The following C2CD5 variants were observed in gnomAD, a reference collection of about 807,000 sequenced individuals.
C2CD5 encodes the protein C2 calcium dependent domain containing 5, also known as C2 domain-containing protein 5.
In C2CD5, 109 loss-of-function variants were observed where a neutral mutation model predicts 130.3. The ratio of observed to expected loss-of-function variants is 0.84; its 90% confidence interval spans 0.72 to 0.98. The LOEUF (loss-of-function observed/expected upper bound fraction) is 0.98. Among genes scored for constraint, C2CD5 ranks in the 50% least tolerant of loss-of-function variants. C2CD5 has a pLI of 0.00. For missense variants in C2CD5, 996 were observed against 1,261.8 expected (o/e 0.79, Z 3.19); for synonymous variants, 454 against 429.2 (o/e 1.06, Z -0.71).
intron 6 of C2CD5, among the ~76,000 whole-genome samples, 154 bp downstream of exon 6, chr12:22,524,318 G>A (rs1195305674): frequency 1.3e-5 from 2 of 152,170 alleles, no homozygotes; most frequent in Non-Finnish European, 2.9e-5. Context: ...AGAGGGCAAT[G>A]CAAGTGTGTT....
At chr12:22,503,083 A>C (rs1395327429) in intron 10 of C2CD5, among the ~76,000 whole-genome samples, 1 of 152,194 alleles carries the variant, frequency 6.6e-6, no homozygotes, top group East Asian at 1.9e-4. Context: ...TATTTACCAA[A>C]GGAGGATGTT....
At chr12:22,529,205 T>C (rs1950996256) in intron 3 of C2CD5, among the ~76,000 whole-genome samples, 1 of 152,214 alleles carries the variant, frequency 6.6e-6, no homozygotes, top group Non-Finnish European at 1.5e-5. Flanking sequence ...TAATGAAATG[T>C]TAAAATAAAA....
chr12:22,518,071 G>T lies in C2CD5; in HGVS notation c.867C>A (p.Asn289Lys). The T allele has an allele frequency of 6.2e-7, 1 of 1,613,824 alleles. No individual in the cohort carries two copies. Among genetic ancestry groups the T allele is most frequent in the Non-Finnish European group, 8.5e-7 (1 of 1,179,688 alleles). The change falls in exon 8 of 27, where the codon AAC becomes AAA. Residue 289 changes from asparagine (N) to lysine (K), a missense_variant. Coordinates refer to ENST00000446597, the MANE Select transcript of C2CD5 (RefSeq NM_001286176.2). ...HSSGPSTPLK[N>K]QTYSFSPSKS... ...TGGAAGGTGAAAAGGAATAAGTTTGGTTTTTCAGAGGGGTTGAGGGTCCTG... is the reference window on the plus strand; with the variant it reads ...TGGAAGGTGAAAAGGAATAAGTTTGTTTTTTCAGAGGGGTTGAGGGTCCTG...
chr12:22,481,469 T>C (rs1025342033), intron 14 of C2CD5, among the ~76,000 whole-genome samples: 6 of 152,106 alleles, frequency 3.9e-5, no homozygotes, highest in Non-Finnish European at 1.5e-5. Context: ...TTCCATATGA[T>C]CAATACACTT....
chr12:22,475,219 C>A (rs1194701181), intron 15 of C2CD5, among the ~76,000 whole-genome samples: 1 of 152,050 alleles, frequency 6.6e-6, no homozygotes, highest in Non-Finnish European at 1.5e-5. Flanking sequence ...TGCATATTTT[C>A]TATTCAGCAT....
At chr12:22,493,748 T>G (rs967794339) in intron 10 of C2CD5, among the ~76,000 whole-genome samples, 5 of 152,044 alleles carry the variant, frequency 3.3e-5, no homozygotes, top group Admixed American at 1.3e-4. Flanking sequence ...TGATTTCATT[T>G]CTTGGTACCT....
chr12:22,464,561 C>T, intron 22 of C2CD5, among the ~76,000 whole-genome samples: 1 of 152,196 alleles, frequency 6.6e-6, no homozygotes, highest in East Asian at 1.9e-4. Context: ...TTCCGTCCTT[C>T]CTTCCTTCCC....
chr12:22,533,410 C>T (rs1951506942), intron 3 of C2CD5, among the ~76,000 whole-genome samples: 1 of 152,202 alleles, frequency 6.6e-6, no homozygotes, highest in South Asian at 2.1e-4. Context: ...AGAACTGTAT[C>T]TCCTTTTGTA....
At chr12:22,519,229 C>T (rs1422710441) in intron 7 of C2CD5, 2 of 1,535,302 alleles carry the variant, frequency 1.3e-6, no homozygotes, top group African/African-American at 1.4e-5. Flanking sequence ...GGAGGATGAA[C>T]CAGCGGAGAC....
intron 8 of C2CD5, chr12:22,515,043 G>A (rs1949575991): frequency 1.0e-6 from 1 of 985,134 alleles, no homozygotes; most frequent in Non-Finnish European, 1.2e-6. Context: ...TGAGGGGTAA[G>A]GCTAGATTCC....
Position 22,469,732 on chromosome 12 carries a change from G to A in C2CD5, c.2510C>T (p.Ser837Phe), listed in dbSNP as rs917396485. The A allele has an allele frequency of 4.2e-5, 67 of 1,604,752 alleles. No homozygotes were observed. Among genetic ancestry groups the A allele is most frequent in the Non-Finnish European group, 5.5e-5 (65 of 1,175,536 alleles). Residue 837 changes from serine to phenylalanine, a missense_variant, in exon 22 of 27, where the codon TCT becomes TTT. By Grantham distance (155) the Ser-to-Phe change is radical (BLOSUM62 -2). This residue lies in a region of C2CD5 where 590 missense variants were observed against 631.4 expected (regional missense o/e 0.93). Transcript: ENST00000446597. Reference sequence around the variant, plus strand: ...ACCTTTAGCTGGTGGAAAAGGATGAGAAGGAAGTGAATCTGAACACAGTTC... The same window carrying A: ...ACCTTTAGCTGGTGGAAAAGGATGAAAAGGAAGTGAATCTGAACACAGTTC... ...PLELCSDSLP[S>F]HPFPPAKEHL... is the part of the protein sequence containing the mutation.
At chr12:22,518,873 T>C (rs983114326) in intron 7 of C2CD5, among the ~76,000 whole-genome samples, 7 of 152,174 alleles carry the variant, frequency 4.6e-5, no homozygotes, top group Admixed American at 4.6e-4. Flanking sequence ...ACATACAAAA[T>C]AGCATTATTT....
At chr12:22,466,380 TA>T (rs1484094833) in intron 22 of C2CD5, among the ~76,000 whole-genome samples, 4 of 152,048 alleles carry the variant, frequency 2.6e-5, no homozygotes, top group African/African-American at 9.7e-5. Context: ...TCAGTATTAG[TA>T]ACTGACTTTT....
intron 9 of C2CD5, 43 bp from the exon 10 acceptor site, chr12:22,506,862 G>A (rs1484634832): frequency 7.3e-6 from 9 of 1,232,822 alleles, no homozygotes; most frequent in African/African-American, 1.5e-5. Context: ...ATCGTGTGTA[G>A]AGTGTAAAAA....
intron 10 of C2CD5, among the ~76,000 whole-genome samples, chr12:22,501,391 T>C (rs1947773497): frequency 6.6e-6 from 1 of 152,176 alleles, no homozygotes; most frequent in Non-Finnish European, 1.5e-5. Flanking sequence ...TTCTATCATT[T>C]GACCAACACA....
At chr12:22,488,467 T>C (rs1299937495) in intron 12 of C2CD5, among the ~76,000 whole-genome samples, 2 of 152,110 alleles carry the variant, frequency 1.3e-5, no homozygotes, top group East Asian at 3.9e-4. Flanking sequence ...GTGGCACCTA[T>C]TGTATTGAAC....
At chr12:22,540,743 C>T (rs112372382) in intron 2 of C2CD5, among the ~76,000 whole-genome samples, 2,787 of 152,236 alleles carry the variant, frequency 0.018, 32 homozygotes, top group Middle Eastern at 0.034. Context: ...CCTGTAATCC[C>T]AGCTACTCTG....
intron 15 of C2CD5, 130 bp downstream of exon 15, chr12:22,478,183 G>A (rs1317445273): frequency 1.4e-6 from 1 of 705,568 alleles, no homozygotes; most frequent in African/African-American, 1.8e-5. Context: ...GACATAAAGG[G>A]AGGTGAAAGA....
intron 12 of C2CD5, among the ~76,000 whole-genome samples, chr12:22,487,673 A>G (rs969401758): frequency 6.6e-6 from 1 of 152,014 alleles, no homozygotes; most frequent in Non-Finnish European, 1.5e-5. Flanking sequence ...AACTAGAAAT[A>G]CCATTTGACC....
Sources: gnomAD v4.1 joint callset for allele counts (sites outside exome capture counted in the v4.1 genomes callset) on GRCh38, gnomAD v4.1.1 for gene constraint, gnomAD v4.1.1 regional missense constraint, MANE v1.5 for transcripts, NCBI Gene and HGNC (gene_info 2026-07-23, HGNC 2026-07-21) for gene names.